ZNF609: variants seen among roughly 807,000 people sequenced by gnomAD.
ZNF609 encodes the protein zinc finger protein 609.
Under a neutral mutation model 109.5 loss-of-function variants are expected in ZNF609, and 11 were observed. The ratio of observed to expected loss-of-function variants is 0.10; its 90% CI spans 0.06 to 0.17. The LOEUF (loss-of-function observed/expected upper bound fraction) is 0.17, where lower values mean the gene tolerates loss of function less well. Ranked by LOEUF, ZNF609 falls within the 10% of genes least tolerant of loss-of-function variation. The probability of loss-of-function intolerance (pLI) is 1.00; values close to 1 mark genes in which losing one functional copy is unlikely to be tolerated. For missense variants in ZNF609, 1,559 were observed against 1,772.4 expected, an observed-to-expected ratio of 0.88 and a Z score of 2.16; for synonymous variants, 646 against 662.0, an observed-to-expected ratio of 0.98 and a Z score of 0.37.
chr15:64,656,168 A>G (rs1207019323), intron 3 of ZNF609, among the ~76,000 whole-genome samples: 5 of 151,942 alleles, frequency 3.3e-5, no homozygotes, highest in Non-Finnish European at 5.9e-5. Flanking sequence ...TGTTCAGGCA[A>G]TTCTCTTGCC....
At chr15:64,589,800 A>G (rs1895262726) in intron 2 of ZNF609, among the ~76,000 whole-genome samples, 1 of 152,100 alleles carries the variant, frequency 6.6e-6, no homozygotes, top group African/African-American at 2.4e-5. Flanking sequence ...TATAAATTAA[A>G]TGGCTAAAAA....
intron 2 of ZNF609, among the ~76,000 whole-genome samples, chr15:64,579,196 C>A (rs1479270798): frequency 6.6e-6 from 1 of 150,574 alleles, no homozygotes; most frequent in African/African-American, 2.4e-5. Context: ...GTAGGGAGAC[C>A]CATCTCTACA....
At chr15:64,461,459 G>C (rs920308640) in intron 1 of ZNF609, among the ~76,000 whole-genome samples, 2 of 152,114 alleles carry the variant, frequency 1.3e-5, no homozygotes, top group African/African-American at 4.8e-5. Context: ...ACCCTATCCT[G>C]TTTGGAAAAC....
rs1317661465 is a variant in ZNF609 at position 64,479,292 on chromosome 15, T to G, written c.-128+18454T>G. On this transcript the variant is annotated intron_variant, in intron 1 of 9. Transcript: ENST00000326648. ...TATATTGTACCTGTGTGATTTTTTT[T>G]TTTTTTTTTTTTTTTTTGAGACAGA... Among the ~76,000 whole-genome samples the G allele has an allele frequency of 9.9e-5, 13 of 131,244 alleles. No homozygotes were observed. The South Asian group carries it at 3.1e-3, about 31-fold the overall frequency. 86.1% of individuals were successfully genotyped at this position (131,244 alleles called of 152,430 possible).
intron 3 of ZNF609, chr15:64,652,937 A>G (rs184528351): frequency 6.3e-4 from 96 of 153,334 alleles, no homozygotes; most frequent in African/African-American, 2.2e-3. Flanking sequence ...ACAACCAATT[A>G]CAGATTTCTT....
At position 64,614,561 on chromosome 15, in the gene ZNF609, ATAACT is replaced by A. The variant is rs1362068770; in HGVS notation, c.748-8262_748-8258del. 3.9e-5 allele frequency among the ~76,000 whole-genome samples: 6 copies of A among 152,204 alleles called. No homozygotes were observed. The East Asian group carries it at 7.7e-4, about 20-fold the overall frequency. Reference sequence around the variant, plus strand: ...TCTGTATTTCAAGAGACAAAAATAAATAACTTAATAAATAGATAAATGGGGTTTTA... The same window carrying A: ...TCTGTATTTCAAGAGACAAAAATAAATAATAAATAGATAAATGGGGTTTTA... On this transcript the variant is annotated intron_variant, in intron 2 of 9. Coordinates refer to ENST00000326648, the MANE Select transcript of ZNF609 (RefSeq NM_015042.2).
chr15:64,545,896 G>A (rs1195182452), intron 2 of ZNF609, among the ~76,000 whole-genome samples: 1 of 151,900 alleles, frequency 6.6e-6, no homozygotes, highest in Non-Finnish European at 1.5e-5. Context: ...TACCACATTT[G>A]CTTACCTGCT....
At chr15:64,547,856 G>T (rs1894393376) in intron 2 of ZNF609, among the ~76,000 whole-genome samples, 1 of 152,080 alleles carries the variant, frequency 6.6e-6, no homozygotes, top group African/African-American at 2.4e-5. Flanking sequence ...GGTGAGAAGG[G>T]CTCTGGAGAA....
chr15:64,679,166 G>A (rs1896846419), intron 6 of ZNF609, among the ~76,000 whole-genome samples: 1 of 152,126 alleles, frequency 6.6e-6, no homozygotes, highest in African/African-American at 2.4e-5. Context: ...TCCACCTCCT[G>A]GGTTCAAACG....
At chr15:64,537,786 A>G (rs1263732099) in intron 2 of ZNF609, among the ~76,000 whole-genome samples, 2 of 152,132 alleles carry the variant, frequency 1.3e-5, no homozygotes, top group Non-Finnish European at 2.9e-5. Context: ...TAGGGGCACT[A>G]TCTTCTTCAT....
chr15:64,566,259 GT>G (rs1261110530), intron 2 of ZNF609, among the ~76,000 whole-genome samples: 3 of 152,340 alleles, frequency 2.0e-5, no homozygotes, highest in South Asian at 2.1e-4. Context: ...GAGCCCACGA[GT>G]TTAAGACTGT....
At position 64,509,282 on chromosome 15, in the gene ZNF609, C is replaced by CCCA. The variant is rs1458544049; in HGVS notation, c.747+9118_747+9120dup. On this transcript the variant is annotated intron_variant, in intron 2 of 9. Transcript: ENST00000326648. The stretch of plus-strand genomic sequence containing the variant: ...GAGCAGAAAAGATATTCAAAAAAGA[C>CCCA]CCACTTTTCTCATCTGAATGGAGGA... Among the ~76,000 whole-genome samples, 5 of 152,212 alleles carry CCCA rather than the reference C, an allele frequency of 3.3e-5. No individual in the cohort carries two copies. The East Asian group carries it at 9.7e-4, about 29-fold the overall frequency.
intron 2 of ZNF609, among the ~76,000 whole-genome samples, chr15:64,580,090 G>A (rs759235076): frequency 4.6e-5 from 7 of 152,128 alleles, no homozygotes; most frequent in Non-Finnish European, 1.0e-4. Flanking sequence ...TTCTTGTAAG[G>A]GAAGAAGAGG....
At position 64,622,964 on chromosome 15, in the gene ZNF609, T is replaced by G; in HGVS notation, c.885T>G (p.Ala295=). The change falls in exon 3 of 10, where the codon GCT becomes GCG. Residue 295 remains alanine, a synonymous_variant. Transcript: ENST00000326648. ...TTGGGGTCAACACATGTGATGTGGC[T>G]CTGGCCACAGAGCCTGAGTGCTTGG... ...RSVGVNTCDV[A]LATEPECLGP... is the part of the protein sequence containing the mutation. 2 of 1,614,244 alleles carry G rather than the reference T, an allele frequency of 1.2e-6. No individual in the cohort carries two copies. Among genetic ancestry groups the G allele is most frequent in the Non-Finnish European group, 1.7e-6 (2 of 1,180,042 alleles).
intron 3 of ZNF609, among the ~76,000 whole-genome samples, chr15:64,625,556 C>T (rs908072487): frequency 6.6e-6 from 1 of 151,912 alleles, no homozygotes; most frequent in Non-Finnish European, 1.5e-5. Context: ...TGAAGGAATG[C>T]TTGCATCTAT....
At chr15:64,625,905 A>T (rs1422243322) in intron 3 of ZNF609, among the ~76,000 whole-genome samples, 3 of 93,200 alleles carry the variant, frequency 3.2e-5, no homozygotes, top group African/African-American at 1.4e-4. Flanking sequence ...AAAAAAAAAA[A>T]AAAAAAAAAA....
At chr15:64,529,040 C>T in intron 2 of ZNF609, 1 of 1,418,148 alleles carries the variant, frequency 7.1e-7, no homozygotes, top group Non-Finnish European at 9.8e-7. Flanking sequence ...TTGGCAGCGC[C>T]AGTAGAGACA....
intron 2 of ZNF609, among the ~76,000 whole-genome samples, chr15:64,570,579 A>G (rs1336418882): frequency 6.6e-6 from 1 of 152,132 alleles, no homozygotes; most frequent in East Asian, 1.9e-4. Flanking sequence ...TTATATTTTG[A>G]TGATTATGGT....
intron 1 of ZNF609, among the ~76,000 whole-genome samples, chr15:64,493,325 C>G (rs1893440018): frequency 6.6e-6 from 1 of 151,998 alleles, no homozygotes; most frequent in Admixed American, 6.6e-5. Flanking sequence ...AAGGAGAGGC[C>G]TTGTTCATTC....
Sources: gnomAD v4.1 joint callset for allele counts (sites outside exome capture counted in the v4.1 genomes callset) on GRCh38, gnomAD v4.1.1 for gene constraint, MANE v1.5 for transcripts, NCBI Gene and HGNC (gene_info 2026-07-23, HGNC 2026-07-21) for gene names.